TXLNG: variants seen among roughly 807,000 people sequenced by gnomAD.
The protein encoded by TXLNG is taxilin gamma, also known as gamma-taxilin.
Under a neutral mutation model 38.8 loss-of-function variants are expected in TXLNG, and 5 were observed. The observed-to-expected ratio is 0.13, with a 90% CI of 0.07 to 0.27. The LOEUF (loss-of-function observed/expected upper bound fraction) is 0.27. TXLNG is among the 10% of genes least tolerant of loss of function. The pLI is 1.00. For missense variants in TXLNG, 393 were observed against 398.2 expected, an observed-to-expected ratio of 0.99 and a Z score of 0.11; for synonymous variants, 182 against 158.2, an observed-to-expected ratio of 1.15 and a Z score of -1.13.
chrX:16,818,290 T>C (rs142485621), intron 1 of TXLNG, among the ~76,000 whole-genome samples: 1 of 111,832 alleles, frequency 8.9e-6, no homozygotes, highest in African/African-American at 3.2e-5. Flanking sequence ...CTAATTATGT[T>C]AAGTGGTGAA....
At chrX:16,801,946 CTTTCT>C (rs1193729704) in intron 1 of TXLNG, among the ~76,000 whole-genome samples, 1 of 82,408 alleles carries the variant, frequency 1.2e-5, no homozygotes, top group Non-Finnish European at 2.3e-5. Context: ...TTTTTTCTTT[CTTTCT>C]TTTTTTTTTT....
Position 16,844,362 on chromosome X carries a change from T to G in TXLNG, c.*2596T>G, listed in dbSNP as rs1370779392. The stretch of plus-strand genomic sequence containing the variant: ...CTAGTTTGTGCTAAACACACTGCTT[T>G]ATTTTTACAGCCCACGTCTTTCATG... On this transcript the variant is annotated 3_prime_UTR_variant, in exon 10 of 10. Coordinates refer to ENST00000380122, the MANE Select transcript of TXLNG (RefSeq NM_018360.3). 1 of 112,644 alleles carries G rather than the reference T, an allele frequency of 8.9e-6. No individual in the cohort carries two copies. The highest frequency in any genetic ancestry group is 9.4e-5 in the Admixed American group (1 of 10,609). 9.3% of individuals were successfully genotyped at this position (112,644 alleles called of 1,213,427 possible).
chrX:16,799,996 G>A (rs1457348638), intron 1 of TXLNG, among the ~76,000 whole-genome samples: 4 of 108,578 alleles, frequency 3.7e-5, no homozygotes, highest in Non-Finnish European at 7.7e-5. Context: ...CTGGAGTGCA[G>A]TGGTATGATC....
chrX:16,830,618 G>A (rs1929357826), intron 5 of TXLNG, among the ~76,000 whole-genome samples: 1 of 102,582 alleles, frequency 9.7e-6, no homozygotes, highest in African/African-American at 3.6e-5. Context: ...AAAAAAAAAA[G>A]ATCAGGCATC....
chrX:16,786,578 C>T lies in TXLNG; in HGVS notation c.91C>T (p.Pro31Ser), dbSNP rs1182256287. Residue 31 changes from proline (P) to serine (S), a missense_variant, in exon 1 of 10, where the codon CCG (proline) becomes TCG (serine). Pro to Ser is a moderately conservative substitution (Grantham distance 74). Coordinates refer to ENST00000380122, the MANE Select transcript of TXLNG (RefSeq NM_018360.3). ...CGGACGGGGCGGACGGCGACGCAGC[C>T]CGCGGCAGAAGGTCAGTCAGGGGGA... ...EAGRGGRRRS[P>S]RQKFEIGTME... 1 of 1,069,143 alleles carries T rather than the reference C, an allele frequency of 9.4e-7. No individual in the cohort carries two copies. The highest frequency in any genetic ancestry group is 1.2e-6 in the Non-Finnish European group (1 of 830,749). The allele number at this position is 1,069,143 out of a possible 1,213,427, so 88.1% of individuals were successfully genotyped here.
At chrX:16,821,935 A>G (rs1928984369) in intron 3 of TXLNG, among the ~76,000 whole-genome samples, 1 of 109,809 alleles carries the variant, frequency 9.1e-6, no homozygotes, top group African/African-American at 3.3e-5. Flanking sequence ...CAGAGCTTGC[A>G]GTGAGCCGAG....
chrX:16,828,102 G>C lies in TXLNG; in HGVS notation c.507G>C (p.Glu169Asp). 3 of 1,206,803 alleles carry C rather than the reference G, an allele frequency of 2.5e-6. No homozygotes were observed. The highest frequency in any genetic ancestry group is 1.8e-5 in the South Asian group (1 of 56,130). ...LCKKYADLLEESRSVQKQMKI... is the reference protein window; with the variant it reads ...LCKKYADLLEDSRSVQKQMKI... Reference sequence around the variant, plus strand: ...GTGCTTATGAATTTTAGCTGGAGGAGAGCAGGAGTGTTCAGAAGCAAATGA... The same window carrying C: ...GTGCTTATGAATTTTAGCTGGAGGACAGCAGGAGTGTTCAGAAGCAAATGA... The change falls in exon 4 of 10, where the codon GAG becomes GAC. Residue 169 changes from glutamate (E) to aspartate (D), a missense_variant. By Grantham distance (45) the Glu-to-Asp change is conservative. Transcript: ENST00000380122.
At chrX:16,786,662 C>G in intron 1 of TXLNG, 73 bp downstream of exon 1, 1 of 736,377 alleles carries the variant, frequency 1.4e-6, no homozygotes, top group Non-Finnish European at 1.8e-6. Flanking sequence ...GGGTCCACCT[C>G]TTCTCTCTCC....
At chrX:16,815,777 G>A (rs1163325990) in intron 1 of TXLNG, among the ~76,000 whole-genome samples, 2 of 102,474 alleles carry the variant, frequency 2.0e-5, no homozygotes, top group East Asian at 3.1e-4. Flanking sequence ...GTCTCGTCTC[G>A]GTCTCCCAAA....
chrX:16,836,595 G>A (rs1254209287), intron 7 of TXLNG, among the ~76,000 whole-genome samples: 2 of 112,136 alleles, frequency 1.8e-5, no homozygotes, highest in East Asian at 5.6e-4. Context: ...GTGCTTCCGG[G>A]ATGGCCCGTC....
intron 1 of TXLNG, among the ~76,000 whole-genome samples, chrX:16,797,212 A>T (rs1048966856): frequency 9.4e-6 from 1 of 106,839 alleles, no homozygotes; most frequent in African/African-American, 3.4e-5. Flanking sequence ...TGAACCCAGG[A>T]GTTGGAGGTT....
intron 1 of TXLNG, 50 bp downstream of exon 1, chrX:16,786,639 G>A: frequency 1.1e-6 from 1 of 923,488 alleles, no homozygotes; most frequent in African/African-American, 2.1e-5. Context: ...GGATGTTTGG[G>A]CTCCCTTTTT....
chrX:16,805,425 C>G lies in TXLNG; in HGVS notation c.103-13149C>G, dbSNP rs963465990. 6.5e-5 allele frequency among the ~76,000 whole-genome samples: 6 copies of G among 91,657 alleles called. No homozygotes were observed. The Admixed American group carries it at 6.8e-4, about 10-fold the overall frequency. 79.6% of individuals were successfully genotyped at this position (91,657 alleles called of 115,157 possible). ...ATATAATTTCATAAAAATAAAAAAA[C>G]CAAAACAACAACAACAAAAGAAAGG... On this transcript the variant is annotated intron_variant, in intron 1 of 9. Transcript: ENST00000380122.
At chrX:16,832,862 C>A in intron 6 of TXLNG, 120 bp downstream of exon 6, 1 of 886,536 alleles carries the variant, frequency 1.1e-6, no homozygotes, top group Non-Finnish European at 1.5e-6. Context: ...TTTAATGTAG[C>A]ACCTGGGGGC....
intron 9 of TXLNG, 68 bp downstream of exon 9, chrX:16,839,984 C>T (rs763527655): frequency 1.3e-4 from 113 of 837,163 alleles, no homozygotes; most frequent in Non-Finnish European, 1.7e-4. Context: ...AGGTACCTAT[C>T]GGGGCCGGGG....
At chrX:16,827,975 A>T (rs1383219516) in intron 3 of TXLNG, 119 bp from the exon 4 acceptor site, 2 of 577,883 alleles carry the variant, frequency 3.5e-6, no homozygotes, top group Admixed American at 8.7e-5. Context: ...TTTAAATAAT[A>T]TATTAAACCA....
intron 9 of TXLNG, 197 bp downstream of exon 9, chrX:16,840,113 G>C: frequency 3.0e-6 from 1 of 338,375 alleles, no homozygotes. Context: ...TTAGGGACAG[G>C]GCCCTGAGTG....
chrX:16,823,777 A>G (rs889588432), intron 3 of TXLNG, among the ~76,000 whole-genome samples: 2 of 111,697 alleles, frequency 1.8e-5, no homozygotes, highest in Non-Finnish European at 1.9e-5. Flanking sequence ...TGTGGATACC[A>G]TTAACATGAT....
intron 1 of TXLNG, among the ~76,000 whole-genome samples, chrX:16,797,642 AGAGT>A (rs1285716519): frequency 5.3e-5 from 6 of 112,314 alleles, no homozygotes; most frequent in Admixed American, 9.5e-5. Flanking sequence ...CTGCTTCATC[AGAGT>A]GAGTAAGAGA....
Sources: gnomAD v4.1 joint callset for allele counts (sites outside exome capture counted in the v4.1 genomes callset) on GRCh38, gnomAD v4.1.1 for gene constraint, MANE v1.5 for transcripts, NCBI Gene and HGNC (gene_info 2026-07-23, HGNC 2026-07-21) for gene names.